Variants in DOCK2 observed in about 807,000 individuals in gnomAD.
DOCK2 encodes dedicator of cytokinesis 2, also known as dedicator of cytokinesis protein 2.
In DOCK2, 87 loss-of-function variants were observed where a neutral mutation model predicts 248.9. The ratio of observed to expected loss-of-function variants is 0.35; its 90% CI spans 0.29 to 0.42. The LOEUF is 0.42. Among genes scored for constraint, DOCK2 ranks in the 10% least tolerant of loss-of-function variants. The pLI is 1.00. For synonymous variants in DOCK2, 805 were observed against 821.6 expected (o/e 0.98, Z 0.35); for missense variants, 1,747 against 2,300.2 (o/e 0.76, Z 4.92).
chr5:169,968,212 C>T (rs574086840), intron 27 of DOCK2, among the ~76,000 whole-genome samples: 3 of 152,306 alleles, frequency 2.0e-5, no homozygotes, highest in Admixed American at 6.5e-5. Flanking sequence ...GTTGTTTCAG[C>T]TTGTAATATG....
At chr5:169,924,448 T>C (rs913669494) in intron 27 of DOCK2, among the ~76,000 whole-genome samples, 2 of 152,188 alleles carry the variant, frequency 1.3e-5, no homozygotes, top group African/African-American at 4.8e-5. Flanking sequence ...CATTTCCCTG[T>C]TGTGTTTTCT....
At chr5:169,658,980 C>CATCATT (rs1386749422) in intron 2 of DOCK2, among the ~76,000 whole-genome samples, 19 of 136,260 alleles carry the variant, frequency 1.4e-4, no homozygotes, top group Non-Finnish European at 2.5e-4. Flanking sequence ...TACAAGACTG[C>CATCATT]ATTATTATTA....
chr5:169,903,252 C>T (rs1213038662), intron 27 of DOCK2, among the ~76,000 whole-genome samples: 1 of 149,018 alleles, frequency 6.7e-6, no homozygotes, highest in African/African-American at 2.5e-5. Flanking sequence ...ATAGCCAGTG[C>T]ACTCCAGCCT....
In DOCK2 at chr5:169,699,405, T is replaced by C. The variant is rs914880281; in HGVS notation, c.1079T>C (p.Leu360Pro). Residue 360 changes from leucine (L) to proline (P), a missense_variant, in exon 12 of 52, where the codon CTA becomes CCA. Coordinates refer to ENST00000520908, the MANE Select transcript of DOCK2 (RefSeq NM_004946.3). ...FHPVTAENDF[L>P]HSLLGKVIAS... ...AGGGTTACAGCTGAGAATGACTTCC[T>C]ACACAGCCTGCTGGGCAAAGTCATA... 1.2e-6 allele frequency: 2 copies of C among 1,613,286 alleles called. No individual in the cohort carries two copies. The highest frequency in any genetic ancestry group is 1.7e-5 in the Admixed American group (1 of 59,962).
At chr5:169,695,689 T>A in intron 9 of DOCK2, 114 bp from the exon 10 acceptor site, 7 of 1,428,382 alleles carry the variant, frequency 4.9e-6, no homozygotes, top group Non-Finnish European at 6.7e-6. Context: ...GATTGGTCCA[T>A]GTATAGCAAG....
At chr5:170,005,740 A>AT (rs71741253) in intron 30 of DOCK2, among the ~76,000 whole-genome samples, 20 of 151,784 alleles carry the variant, frequency 1.3e-4, no homozygotes, top group South Asian at 6.3e-4. Flanking sequence ...TATATCTCAG[A>AT]TTTTTTTTTA....
chr5:169,883,319 A>T lies in DOCK2; in HGVS notation c.2799+42467A>T, dbSNP rs749899523. The T allele has an allele frequency of 9.7e-6, 15 of 1,551,178 alleles. No individual in the cohort carries two copies. The highest frequency in any genetic ancestry group is 9.6e-5 in the African/African-American group (7 of 72,892). On this transcript the variant is annotated intron_variant, in intron 27 of 51. Transcript: ENST00000520908. ...ATGGCAGCTGTGGCTTTCTCTAAGG[A>T]CCTCCAAGTTCCTGCTTCCAAGCAT... is the stretch of plus-strand genomic sequence containing the variant.
At chr5:169,891,370 G>A (rs1773270223) in intron 27 of DOCK2, among the ~76,000 whole-genome samples, 1 of 152,158 alleles carries the variant, frequency 6.6e-6, no homozygotes, top group Admixed American at 6.5e-5. Context: ...AATGAATAGA[G>A]TAAATTCTTA....
chr5:169,976,420 G>A (rs1345111159), intron 27 of DOCK2, among the ~76,000 whole-genome samples: 1 of 152,160 alleles, frequency 6.6e-6, no homozygotes, highest in Non-Finnish European at 1.5e-5. Context: ...ACAGGATTCA[G>A]TAACTGCTGT....
At chr5:169,796,650 T>C (rs1486293938) in intron 25 of DOCK2, among the ~76,000 whole-genome samples, 1 of 152,074 alleles carries the variant, frequency 6.6e-6, no homozygotes, top group Non-Finnish European at 1.5e-5. Flanking sequence ...TATATCGAAA[T>C]ATATTCTGGG....
At chr5:170,079,970 T>G in intron 49 of DOCK2, 193 bp from the exon 50 acceptor site, 2 of 808,636 alleles carry the variant, frequency 2.5e-6, no homozygotes, top group Non-Finnish European at 1.8e-6. Context: ...CCTGTAGTTG[T>G]GTAGTGTGCA....
rs140165040 is a variant in DOCK2, at chr5:169,900,265, A to C, written c.2799+59413A>C. ...CCTAACCTGTTGGGACCTTTAGACA[A>C]CCCTAACCTGTTGTCCCCTGATGGA... On this transcript the variant is annotated intron_variant, in intron 27 of 51. Transcript: ENST00000520908. 4.0e-3 allele frequency among the ~76,000 whole-genome samples: 606 copies of C among 152,172 alleles called. 6 individuals are homozygous for C. The highest frequency in any genetic ancestry group is 0.014 in the African/African-American group (573 of 41,512).
At chr5:169,851,501 G>C (rs1413970076) in intron 27 of DOCK2, among the ~76,000 whole-genome samples, 1 of 152,170 alleles carries the variant, frequency 6.6e-6, no homozygotes, top group Non-Finnish European at 1.5e-5. Flanking sequence ...CCTTTGCTAT[G>C]GGTAGGGAGT....
intron 27 of DOCK2, among the ~76,000 whole-genome samples, chr5:169,963,019 G>T (rs1777155215): frequency 6.6e-6 from 1 of 152,164 alleles, no homozygotes; most frequent in South Asian, 2.1e-4. Context: ...ACATTTTGAT[G>T]CTTAAGTGGG....
At chr5:169,735,902 G>A (rs912999917) in intron 22 of DOCK2, among the ~76,000 whole-genome samples, 2 of 152,006 alleles carry the variant, frequency 1.3e-5, no homozygotes, top group African/African-American at 2.4e-5. Context: ...CATGGCAGAA[G>A]GTGAAGGGGA....
intron 25 of DOCK2, among the ~76,000 whole-genome samples, chr5:169,785,111 T>C (rs969653862): frequency 1.3e-5 from 2 of 152,186 alleles, no homozygotes; most frequent in Non-Finnish European, 2.9e-5. Context: ...GTATAAGAGA[T>C]GAACTCGTAT....
intron 49 of DOCK2, 137 bp from the exon 50 acceptor site, chr5:170,080,026 C>A: frequency 4.1e-6 from 6 of 1,448,076 alleles, no homozygotes; most frequent in Non-Finnish European, 1.9e-6. Flanking sequence ...TGGTATAATA[C>A]AGAATAAATG....
intron 37 of DOCK2, 97 bp downstream of exon 37, chr5:170,041,242 C>T: frequency 8.8e-7 from 1 of 1,132,928 alleles, no homozygotes; most frequent in African/African-American, 1.5e-5. Context: ...AAAAAGAATC[C>T]AAATATTTTG....
chr5:169,764,128 C>T lies in DOCK2; in HGVS notation c.2554+2503C>T, dbSNP rs1239417538. 2.6e-5 allele frequency among the ~76,000 whole-genome samples: 4 copies of T among 152,180 alleles called. No homozygotes were observed. The highest frequency in any genetic ancestry group is 9.6e-5 in the African/African-American group (4 of 41,454). On this transcript the variant is annotated intron_variant, in intron 25 of 51. Transcript: ENST00000520908. This position sits in a 1 kb window ranked among gnomAD's most constrained non-coding sequence, Gnocchi z 4.3. ...AAGTTTGAGCAGTAATGAAATTCCT[C>T]CTGTTATTCTCCCTGTGAAGTGTCC...
Sources: allele counts gnomAD v4.1 joint callset (sites outside exome capture counted in the v4.1 genomes callset), GRCh38; gene constraint gnomAD v4.1.1; non-coding constraint Gnocchi (gnomAD v3.1); transcripts MANE v1.5; gene names NCBI Gene and HGNC (gene_info 2026-07-23, HGNC 2026-07-21).